The following MBP variants were observed in gnomAD, a reference collection of about 807,000 sequenced individuals.
MBP encodes myelin basic protein, also known as Golli-MBP.
A neutral mutation model predicts 35.8 loss-of-function variants in MBP; 16 were observed. That is an observed-to-expected ratio of 0.45 (90% confidence interval 0.30 to 0.68). MBP has a LOEUF of 0.68. MBP is among the 30% of genes least tolerant of loss of function. MBP has a pLI of 0.08. For missense variants in MBP, 380 were observed against 404.7 expected (o/e 0.94, Z 0.52); for synonymous variants, 143 against 159.6 (o/e 0.90, Z 0.78).
At chr18:77,070,936 C>A (rs1001433634) in intron 2 of MBP, among the ~76,000 whole-genome samples, 1 of 152,180 alleles carries the variant, frequency 6.6e-6, no homozygotes, top group Non-Finnish European at 1.5e-5. Flanking sequence ...GAGTGTCCAG[C>A]CAAGTGTGAG....
intron 3 of MBP, among the ~76,000 whole-genome samples, chr18:77,028,794 G>GAC (rs1491218821): frequency 2.1e-5 from 2 of 97,408 alleles, no homozygotes; most frequent in South Asian, 3.5e-4. Context: ...GCTGGGCGGA[G>GAC]GGACTCCTGA....
chr18:77,033,772 AT>A (rs1972633501), intron 3 of MBP, among the ~76,000 whole-genome samples: 1 of 135,628 alleles, frequency 7.4e-6, no homozygotes, highest in African/African-American at 3.0e-5. Flanking sequence ...CCATCCATCC[AT>A]CCATCCATCC....
chr18:77,127,338 C>T (rs1164482323), intron 1 of MBP: 1 of 152,152 alleles, frequency 6.6e-6, no homozygotes, highest in African/African-American at 2.4e-5. Flanking sequence ...TGGCAAAACC[C>T]AAACCAAACC....
chr18:77,064,201 C>T (rs186274898), intron 3 of MBP, among the ~76,000 whole-genome samples: 24 of 152,250 alleles, frequency 1.6e-4, no homozygotes, highest in Admixed American at 4.6e-4. Flanking sequence ...CAGATTTATT[C>T]TTAAAACCAT....
chr18:77,025,705 C>CTTTTTTTTTTTTGTTTTTTTTTTTTTTTT (rs1972186981), intron 3 of MBP, among the ~76,000 whole-genome samples: 1 of 108,830 alleles, frequency 9.2e-6, no homozygotes, highest in African/African-American at 4.1e-5. Context: ...TATTGAAATA[C>CTTTTTTTTTTTTGTTTTTTTTTTTTTTTT]TTTTTTTTTT....
At chr18:77,060,076 G>A (rs1023452651) in intron 3 of MBP, among the ~76,000 whole-genome samples, 1 of 152,184 alleles carries the variant, frequency 6.6e-6, no homozygotes, top group Admixed American at 6.5e-5. Context: ...GGAGGCTGAG[G>A]CCCTCGTTCC....
intron 3 of MBP, among the ~76,000 whole-genome samples, chr18:77,026,820 C>T (rs1002524613): frequency 6.6e-6 from 1 of 152,202 alleles, no homozygotes; most frequent in Non-Finnish European, 1.5e-5. Context: ...CAGCTATTAT[C>T]AAGCCACTGC....
Position 77,131,108 on chromosome 18 carries a change from C to G in MBP, c.-26+1472G>C, listed in dbSNP as rs1324980371. 1.3e-5 allele frequency among the ~76,000 whole-genome samples: 1 copy of G among 79,422 alleles called. No individual in the cohort carries two copies. Among genetic ancestry groups the G allele is most frequent in the African/African-American group, 3.1e-5 (1 of 32,006 alleles). 52.1% of individuals were successfully genotyped at this position (79,422 alleles called of 152,430 possible). Reference sequence around the variant, plus strand: ...GCGCACACACACACACACACACACACACACACACACACCCCCTCTGCCGCG... The same window carrying G: ...GCGCACACACACACACACACACACAGACACACACACACCCCCTCTGCCGCG... On this transcript the variant is annotated intron_variant, in intron 1 of 8. Coordinates refer to ENST00000355994, the MANE Select transcript of MBP (RefSeq NM_001025101.2). The surrounding 1 kb of genome is among the most constrained non-coding windows in gnomAD (Gnocchi z 5.5).
chr18:77,026,444 G>A (rs1426694625), intron 3 of MBP, among the ~76,000 whole-genome samples: 1 of 151,516 alleles, frequency 6.6e-6, no homozygotes, highest in African/African-American at 2.4e-5. Context: ...TCTCCACGAA[G>A]GCAATCACAC....
intron 3 of MBP, among the ~76,000 whole-genome samples, chr18:77,060,795 A>G (rs904359221): frequency 7.9e-5 from 12 of 152,174 alleles, no homozygotes; most frequent in Non-Finnish European, 1.5e-5. Flanking sequence ...TTGAGGGTCA[A>G]TAGGAAACCC....
At chr18:77,010,051 G>C (rs183683137) in intron 4 of MBP, 3 of 659,774 alleles carry the variant, frequency 4.5e-6, no homozygotes, top group South Asian at 3.4e-5. Flanking sequence ...AGGAGTGAGC[G>C]GGGGGTGGAG....
chr18:77,001,823 C>T (rs1029735770), intron 4 of MBP, among the ~76,000 whole-genome samples: 1 of 152,078 alleles, frequency 6.6e-6, no homozygotes, highest in African/African-American at 2.4e-5. Flanking sequence ...GCACTCCAGC[C>T]TGGGTGACAA....
intron 4 of MBP, chr18:77,014,101 A>G: frequency 1.0e-6 from 1 of 985,416 alleles, no homozygotes; most frequent in Non-Finnish European, 1.2e-6. Flanking sequence ...CTTTCCTCTC[A>G]CAACAAAGGA....
intron 3 of MBP, among the ~76,000 whole-genome samples, chr18:77,030,366 T>C (rs1302956374): frequency 1.3e-5 from 2 of 152,182 alleles, no homozygotes; most frequent in African/African-American, 2.4e-5. Flanking sequence ...GGGCAGCCAC[T>C]TCTGAGGGCT....
chr18:76,980,082 C>G lies in MBP; in HGVS notation c.*345G>C. 1.4e-6 allele frequency: 1 copy of G among 697,816 alleles called. No homozygotes were observed. The highest frequency in any genetic ancestry group is 1.5e-5 in the South Asian group (1 of 66,794). 43.2% of individuals were successfully genotyped at this position (697,816 alleles called of 1,614,324 possible). ...CAAAAGCGCAAGGGTGCCGCAGCCA[C>G]GGCGAAAAGAAAGTCCAAGGGTGGA... On this transcript the variant is annotated 3_prime_UTR_variant, in exon 9 of 9. Transcript: ENST00000355994.
In MBP at chr18:77,131,448, G is replaced by A. The variant is rs907156983; in HGVS notation, c.-26+1132C>T. On this transcript the variant is annotated intron_variant, in intron 1 of 8. Coordinates refer to ENST00000355994, the MANE Select transcript of MBP (RefSeq NM_001025101.2). The surrounding 1 kb of genome is among the most constrained non-coding windows in gnomAD (Gnocchi z 5.5). ...GACGAGGCAGAGGCCTCCCCGGAACGAAGTCCACGCCCCCTCCCCACCCCA... is the reference window on the plus strand; with the variant it reads ...GACGAGGCAGAGGCCTCCCCGGAACAAAGTCCACGCCCCCTCCCCACCCCA... The A allele has an allele frequency of 2.0e-5, 3 of 152,240 alleles. No homozygotes were observed. The highest frequency in any genetic ancestry group is 1.3e-4 in the Admixed American group (2 of 15,286). 9.4% of individuals were successfully genotyped at this position (152,240 alleles called of 1,614,324 possible). A position where few individuals can be genotyped will look rare whatever the true frequency, so the allele number is the denominator to read the frequency against.
chr18:77,042,891 C>T (rs920556143), intron 3 of MBP, among the ~76,000 whole-genome samples: 4 of 152,208 alleles, frequency 2.6e-5, no homozygotes, highest in African/African-American at 9.7e-5. Flanking sequence ...TAAAAAGCCT[C>T]AGGCAAGAAC....
At chr18:77,029,746 T>G (rs1972469506) in intron 3 of MBP, among the ~76,000 whole-genome samples, 1 of 152,026 alleles carries the variant, frequency 6.6e-6, no homozygotes, top group Admixed American at 6.6e-5. Context: ...TTTTGGTTAG[T>G]TTTGAGTGTT....
chr18:76,981,047 T>G (rs17060173), intron 8 of MBP: 3,087 of 154,770 alleles, frequency 0.02, 119 homozygotes, highest in African/African-American at 0.069. Context: ...CTTAAAACCA[T>G]GCATTTACAC....
Sources: gnomAD v4.1 joint callset for allele counts (sites outside exome capture counted in the v4.1 genomes callset) on GRCh38, gnomAD v4.1.1 for gene constraint, Gnocchi (gnomAD v3.1) non-coding constraint, MANE v1.5 for transcripts, NCBI Gene and HGNC (gene_info 2026-07-23, HGNC 2026-07-21) for gene names.